Variants in SLC38A6 observed in about 807,000 individuals in gnomAD.
The protein encoded by SLC38A6 is solute carrier family 38 member 6, also known as N system amino acid transporter NAT-1.
Under a neutral mutation model 65.0 loss-of-function variants are expected in SLC38A6, and 73 were observed. The observed-to-expected ratio is 1.12, with a 90% confidence interval of 0.93 to 1.37. The LOEUF is 1.37. SLC38A6 is among the 40% of genes most tolerant of loss of function. SLC38A6 has a pLI of 0.00. For missense variants in SLC38A6, 561 were observed against 531.1 expected (o/e 1.06, Z -0.55); for synonymous variants, 183 against 178.8 (o/e 1.02, Z -0.19).
chr14:61,065,540 T>A (rs1180282276), intron 15 of SLC38A6, among the ~76,000 whole-genome samples: 1 of 152,200 alleles, frequency 6.6e-6, no homozygotes, highest in Non-Finnish European at 1.5e-5. Flanking sequence ...AACTTTACAA[T>A]TTTTTCTCAT....
At chr14:61,040,517 T>G (rs2041731385) in intron 8 of SLC38A6, among the ~76,000 whole-genome samples, 1 of 152,042 alleles carries the variant, frequency 6.6e-6, no homozygotes, top group Non-Finnish European at 1.5e-5. Context: ...TTTTTTGTAT[T>G]TTTAGTAGAG....
intron 15 of SLC38A6, among the ~76,000 whole-genome samples, chr14:61,066,813 A>G (rs2043033044): frequency 6.6e-6 from 1 of 152,192 alleles, no homozygotes; most frequent in African/African-American, 2.4e-5. Context: ...CGTGCAGTTG[A>G]AACCCATGTT....
chr14:61,073,039 C>T (rs1055164230), intron 15 of SLC38A6, among the ~76,000 whole-genome samples: 4 of 152,152 alleles, frequency 2.6e-5, no homozygotes, highest in African/African-American at 9.7e-5. Flanking sequence ...CACATCCTCT[C>T]CGGCATTTAT....
At chr14:61,080,441 G>A (rs1186427372) in intron 16 of SLC38A6, among the ~76,000 whole-genome samples, 1 of 152,168 alleles carries the variant, frequency 6.6e-6, no homozygotes, top group East Asian at 1.9e-4. Flanking sequence ...CTCTCCTTTG[G>A]AAATTGTGCC....
At chr14:61,068,208 C>T (rs1207270089) in intron 15 of SLC38A6, among the ~76,000 whole-genome samples, 1 of 152,138 alleles carries the variant, frequency 6.6e-6, no homozygotes, top group Non-Finnish European at 1.5e-5. Flanking sequence ...TTCCTCACTA[C>T]AGTTTTCTCA....
chr14:61,079,168 C>T (rs574466983), intron 16 of SLC38A6, among the ~76,000 whole-genome samples: 4 of 133,012 alleles, frequency 3.0e-5, no homozygotes, highest in African/African-American at 8.7e-5. Context: ...GACAGAGTCT[C>T]GCTCTGTCGC....
chr14:60,988,307 C>G (rs2037605504), intron 3 of SLC38A6, among the ~76,000 whole-genome samples: 1 of 152,232 alleles, frequency 6.6e-6, no homozygotes, highest in South Asian at 2.1e-4. Flanking sequence ...TGTATACCAT[C>G]TACGGCTCTC....
chr14:61,008,559 G>A (rs941613330), intron 3 of SLC38A6, among the ~76,000 whole-genome samples: 4 of 152,084 alleles, frequency 2.6e-5, no homozygotes, highest in Non-Finnish European at 2.9e-5. Context: ...TCTCTTTAGT[G>A]TAAGCACTTT....
chr14:61,004,103 C>T (rs1291649336), intron 3 of SLC38A6, among the ~76,000 whole-genome samples: 1 of 152,112 alleles, frequency 6.6e-6, no homozygotes, highest in Non-Finnish European at 1.5e-5. Context: ...TTTTCTCAAA[C>T]AGTAACTGTT....
In SLC38A6 at chr14:61,045,407, T is replaced by TA. The variant is rs1226967341; in HGVS notation, c.807dup (p.Tyr270IlefsTer3). The TA allele has an allele frequency of 6.2e-7, 1 of 1,612,590 alleles. No individual in the cohort carries two copies. Among genetic ancestry groups the TA allele is most frequent in the East Asian group, 2.2e-5 (1 of 44,814 alleles). ...CTCTGCCATACCTCAATATTGCCCA[T>TA]ATACTGTGAACTTCAAAGGTACTGT... On this transcript the variant is annotated frameshift_variant, in exon 11 of 16. Transcript: ENST00000267488. LOFTEE classifies it high-confidence loss of function.
intron 4 of SLC38A6, among the ~76,000 whole-genome samples, chr14:61,017,766 C>T (rs2040106067): frequency 6.6e-6 from 1 of 152,074 alleles, no homozygotes; most frequent in Non-Finnish European, 1.5e-5. Context: ...TTAATACATG[C>T]ACCAAAAAAG....
intron 15 of SLC38A6, among the ~76,000 whole-genome samples, chr14:61,060,815 A>G (rs1244852897): frequency 2.8e-5 from 2 of 71,408 alleles, no homozygotes; most frequent in Non-Finnish European, 5.6e-5. Flanking sequence ...TGTGGGATAT[A>G]GTCTCGTGGT....
At chr14:61,081,585 G>A (rs1044560618) in intron 16 of SLC38A6, among the ~76,000 whole-genome samples, 2 of 151,992 alleles carry the variant, frequency 1.3e-5, no homozygotes, top group East Asian at 3.9e-4. Flanking sequence ...CTCAGGAGGT[G>A]GAGGCAGGAG....
chr14:60,988,008 C>T (rs773802869), intron 3 of SLC38A6, among the ~76,000 whole-genome samples: 1 of 152,206 alleles, frequency 6.6e-6, no homozygotes, highest in Non-Finnish European at 1.5e-5. Context: ...CTGACCTCGT[C>T]TTCCACTGCT....
Position 61,080,817 on chromosome 14 carries a change from G to T in SLC38A6, c.1408+1890G>T, listed in dbSNP as rs78358824. Among the ~76,000 whole-genome samples, 639 of 152,338 alleles carry T rather than the reference G, an allele frequency of 4.2e-3. 5 individuals carry two copies. The highest frequency in any genetic ancestry group is 6.1e-3 in the Non-Finnish European group (416 of 68,038). ...CCTCAGAATCCCCCTGTGCATGTTA[G>T]TGGTTAATACAGCAGCCAGGAGACG... On this transcript the variant is annotated intron_variant, in intron 16 of 16. Transcript: ENST00000354886.
chr14:61,077,932 A>G (rs2084070708), intron 15 of SLC38A6, among the ~76,000 whole-genome samples: 1 of 152,222 alleles, frequency 6.6e-6, no homozygotes, highest in African/African-American at 2.4e-5. Flanking sequence ...TTCTGGCGAG[A>G]GCAAATTCTC....
intron 6 of SLC38A6, 70 bp downstream of exon 6, chr14:61,030,593 G>A: frequency 9.4e-7 from 1 of 1,062,054 alleles, no homozygotes; most frequent in Non-Finnish European, 1.4e-6. Flanking sequence ...AGCTGTAAAT[G>A]GCAATACTTG....
chr14:61,016,891 C>G (rs1262023237), intron 4 of SLC38A6, among the ~76,000 whole-genome samples: 2 of 152,138 alleles, frequency 1.3e-5, no homozygotes, highest in Admixed American at 1.3e-4. Context: ...ACTTCACATA[C>G]TTACCATTTT....
At chr14:60,982,362 A>G in intron 1 of SLC38A6, 146 bp from the exon 2 acceptor site, 1 of 975,882 alleles carries the variant, frequency 1.0e-6, no homozygotes, top group Admixed American at 2.0e-5. Context: ...AGGAAAGGAA[A>G]TTAGTGTTGG....
Sources: allele counts gnomAD v4.1 joint callset (sites outside exome capture counted in the v4.1 genomes callset), GRCh38; gene constraint gnomAD v4.1.1; transcripts MANE v1.5; gene names NCBI Gene and HGNC (gene_info 2026-07-23, HGNC 2026-07-21).